DNAJC15: variants seen among roughly 807,000 people sequenced by gnomAD.
The protein encoded by DNAJC15 is dnaJ homolog subfamily C member 15.
In DNAJC15, 27 loss-of-function variants were observed where a neutral mutation model predicts 22.4. That is an observed-to-expected ratio of 1.20 (90% confidence interval 0.89 to 1.66). The LOEUF is 1.66. Among genes scored for constraint, DNAJC15 ranks in the 40% most tolerant of loss-of-function variants. The probability of loss-of-function intolerance (pLI) is 0.00; values close to 1 mark genes in which losing one functional copy is unlikely to be tolerated. For missense variants in DNAJC15, 208 were observed against 187.1 expected (o/e 1.11, Z -0.65); for synonymous variants, 79 against 63.2 (o/e 1.25, Z -1.19).
At chr13:43,100,452 C>A (rs2040762140) in intron 5 of DNAJC15, among the ~76,000 whole-genome samples, 1 of 151,898 alleles carries the variant, frequency 6.6e-6, no homozygotes, top group Non-Finnish European at 1.5e-5. Context: ...ATTAAGTGAT[C>A]CGTGCCCCCC....
At chr13:43,070,966 T>C (rs1052684932) in intron 3 of DNAJC15, among the ~76,000 whole-genome samples, 1 of 152,182 alleles carries the variant, frequency 6.6e-6, no homozygotes, top group Non-Finnish European at 1.5e-5. Context: ...GTAGTAGCAA[T>C]GGACACAGTA....
chr13:43,070,570 A>T (rs1254845166), intron 3 of DNAJC15, among the ~76,000 whole-genome samples: 1 of 152,188 alleles, frequency 6.6e-6, no homozygotes, highest in Non-Finnish European at 1.5e-5. Context: ...TTTACCTTAG[A>T]TAGGCCAGGT....
chr13:43,027,811 C>G (rs2040387067), intron 1 of DNAJC15, among the ~76,000 whole-genome samples: 1 of 152,082 alleles, frequency 6.6e-6, no homozygotes, highest in Non-Finnish European at 1.5e-5. Flanking sequence ...CGCCTGCCAC[C>G]ACGCCCAGCT....
chr13:43,108,603 G>C lies in DNAJC15; in HGVS notation c.*1355G>C, dbSNP rs2153442567. The C allele has an allele frequency of 6.6e-6, 1 of 152,186 alleles. No individual in the cohort carries two copies. The highest frequency in any genetic ancestry group is 1.5e-5 in the Non-Finnish European group (1 of 68,018). The allele number at this position is 152,186 out of a possible 1,614,324, so 9.4% of individuals were successfully genotyped here. On this transcript the variant is annotated 3_prime_UTR_variant, in exon 6 of 6. Coordinates refer to ENST00000379221, the MANE Select transcript of DNAJC15 (RefSeq NM_013238.3). ...CTGTAGTTTAGGAGTTCTCAACCTT[G>C]GCATTATTGACATGTTAGGCCAAAT...
chr13:43,056,295 C>T (rs1222163421), intron 1 of DNAJC15, among the ~76,000 whole-genome samples: 2 of 151,978 alleles, frequency 1.3e-5, no homozygotes, highest in African/African-American at 2.4e-5. Flanking sequence ...TGCACCACCA[C>T]GCCTGGCTAA....
At chr13:43,082,191 A>G (rs933590664) in intron 4 of DNAJC15, among the ~76,000 whole-genome samples, 1 of 152,068 alleles carries the variant, frequency 6.6e-6, no homozygotes, top group Non-Finnish European at 1.5e-5. Flanking sequence ...TAGAAAAAAA[A>G]AAAGATGAAA....
At chr13:43,050,751 G>T (rs1258215360) in intron 1 of DNAJC15, among the ~76,000 whole-genome samples, 1 of 152,030 alleles carries the variant, frequency 6.6e-6, no homozygotes, top group East Asian at 1.9e-4. Flanking sequence ...TTTCAATAGA[G>T]AATTTTTAAG....
In DNAJC15 at chr13:43,107,336, T is replaced by C. The variant is rs2040802307; in HGVS notation, c.*88T>C. 1.8e-6 allele frequency: 2 copies of C among 1,086,416 alleles called. No homozygotes were observed. The highest frequency in any genetic ancestry group is 2.5e-6 in the Non-Finnish European group (2 of 794,124). The allele number at this position is 1,086,416 out of a possible 1,614,324, so 67.3% of individuals were successfully genotyped here. ...AAAATATTCTAAAACATGGTCTTCTTAATTTTCTATATGGATTGACCACAG... is the reference window on the plus strand; with the variant it reads ...AAAATATTCTAAAACATGGTCTTCTCAATTTTCTATATGGATTGACCACAG... On this transcript the variant is annotated 3_prime_UTR_variant, in exon 6 of 6. Coordinates refer to ENST00000379221, the MANE Select transcript of DNAJC15 (RefSeq NM_013238.3).
intron 1 of DNAJC15, among the ~76,000 whole-genome samples, chr13:43,039,068 A>G (rs2040441670): frequency 6.6e-6 from 1 of 152,210 alleles, no homozygotes; most frequent in African/African-American, 2.4e-5. Context: ...TAATTTTTAT[A>G]ATCCATTAAA....
chr13:43,055,437 G>C (rs935987379), intron 1 of DNAJC15, among the ~76,000 whole-genome samples: 1 of 152,080 alleles, frequency 6.6e-6, no homozygotes, highest in Non-Finnish European at 1.5e-5. Flanking sequence ...CTTCAAGGGA[G>C]AGCTGTTCTT....
chr13:43,078,823 A>T, intron 4 of DNAJC15, 135 bp downstream of exon 4: 1 of 654,620 alleles, frequency 1.5e-6, no homozygotes, highest in African/African-American at 1.8e-5. Flanking sequence ...AAATTTTTAT[A>T]TTTTAAAGCC....
chr13:43,040,690 G>A (rs975387378), intron 1 of DNAJC15, among the ~76,000 whole-genome samples: 2 of 152,052 alleles, frequency 1.3e-5, no homozygotes, highest in African/African-American at 2.4e-5. Flanking sequence ...GGAGGATCTC[G>A]CCGGCCTCTG....
chr13:43,046,374 G>C (rs1295737812), intron 1 of DNAJC15, among the ~76,000 whole-genome samples: 1 of 151,990 alleles, frequency 6.6e-6, no homozygotes, highest in African/African-American at 2.4e-5. Context: ...TAAAATATGA[G>C]CTACAAGAGA....
intron 4 of DNAJC15, among the ~76,000 whole-genome samples, chr13:43,084,415 G>A (rs1173203906): frequency 6.6e-6 from 1 of 152,118 alleles, no homozygotes; most frequent in Non-Finnish European, 1.5e-5. Context: ...CTGAGTTTAA[G>A]CAAGACATAC....
intron 5 of DNAJC15, among the ~76,000 whole-genome samples, chr13:43,094,665 T>G (rs1253850446): frequency 6.6e-6 from 1 of 152,192 alleles, no homozygotes; most frequent in Non-Finnish European, 1.5e-5. Context: ...CAGAATTTGG[T>G]ATATACTTAG....
chr13:43,041,027 G>T (rs1198585069), intron 1 of DNAJC15, among the ~76,000 whole-genome samples: 1 of 152,204 alleles, frequency 6.6e-6, no homozygotes, highest in African/African-American at 2.4e-5. Flanking sequence ...CCTTCCTCAT[G>T]TCTCAACTGC....
intron 5 of DNAJC15, among the ~76,000 whole-genome samples, chr13:43,105,421 CTT>C (rs1180471691): frequency 6.6e-6 from 1 of 152,178 alleles, no homozygotes; most frequent in Non-Finnish European, 1.5e-5. Context: ...GACTGAGGAA[CTT>C]TTCCAACTAT....
At chr13:43,034,823 G>A (rs2040422199) in intron 1 of DNAJC15, among the ~76,000 whole-genome samples, 2 of 152,128 alleles carry the variant, frequency 1.3e-5, no homozygotes, top group Non-Finnish European at 1.5e-5. Context: ...GCACTTCCTT[G>A]CTTTCTGGCA....
chr13:43,041,866 C>A (rs975720872), intron 1 of DNAJC15, among the ~76,000 whole-genome samples: 1 of 152,218 alleles, frequency 6.6e-6, no homozygotes, highest in African/African-American at 2.4e-5. Context: ...ATGAAGCCTA[C>A]CTCTTGCCTT....
Sources: allele counts gnomAD v4.1 joint callset (sites outside exome capture counted in the v4.1 genomes callset), GRCh38; gene constraint gnomAD v4.1.1; transcripts MANE v1.5; gene names NCBI Gene and HGNC (gene_info 2026-07-23, HGNC 2026-07-21).